PTPRD: variants seen among roughly 807,000 people sequenced by gnomAD.
PTPRD encodes the protein receptor-type tyrosine-protein phosphatase delta.
A neutral mutation model predicts 214.5 loss-of-function variants in PTPRD; 34 were observed. That is an observed-to-expected ratio of 0.16 (90% CI 0.12 to 0.21). The LOEUF is 0.21. Ranked by LOEUF, PTPRD falls within the 10% of genes least tolerant of loss-of-function variation. The probability of loss-of-function intolerance (pLI) is 1.00; values close to 1 mark genes in which losing one functional copy is unlikely to be tolerated. For missense variants in PTPRD, 2,545 were observed against 2,398.7 expected, an observed-to-expected ratio of 1.06 and a Z score of -1.27; for synonymous variants, 1,128 against 845.7, an observed-to-expected ratio of 1.33 and a Z score of -5.79.
At position 9,466,568 on chromosome 9, in the gene PTPRD, G is replaced by A. The variant is rs186724422; in HGVS notation, c.-236-69086C>T. Reference sequence around the variant, plus strand: ...GGGAGTGTATTCAAAACACAAATCTGTGTTTCATACTTACTTTTCACATGA... The same window carrying A: ...GGGAGTGTATTCAAAACACAAATCTATGTTTCATACTTACTTTTCACATGA... On this transcript the variant is annotated intron_variant, in intron 8 of 45. Transcript: ENST00000381196. Among the ~76,000 whole-genome samples, 529 of 152,232 alleles carry A rather than the reference G, an allele frequency of 3.5e-3. 5 individuals carry two copies. Among genetic ancestry groups the A allele is most frequent in the African/African-American group, 0.012 (484 of 41,536 alleles).
intron 11 of PTPRD, among the ~76,000 whole-genome samples, chr9:8,831,010 A>T (rs575786712): frequency 6.6e-6 from 1 of 152,276 alleles, no homozygotes; most frequent in East Asian, 1.9e-4. Flanking sequence ...TTTCTGAGGA[A>T]TTTTGATGAT....
chr9:9,370,753 A>T (rs2059250406), intron 9 of PTPRD, among the ~76,000 whole-genome samples: 1 of 152,100 alleles, frequency 6.6e-6, no homozygotes. Flanking sequence ...TGGGTTTGTC[A>T]TAGATAGCTC....
chr9:10,271,746 T>C (rs2094437631), intron 3 of PTPRD, among the ~76,000 whole-genome samples: 1 of 151,994 alleles, frequency 6.6e-6, no homozygotes, highest in African/African-American at 2.4e-5. Context: ...TTTCACCATG[T>C]TGGCCAGGCT....
intron 9 of PTPRD, among the ~76,000 whole-genome samples, chr9:9,304,199 C>T (rs1280090820): frequency 6.6e-6 from 1 of 152,004 alleles, no homozygotes; most frequent in East Asian, 1.9e-4. Flanking sequence ...TAAATTAGAT[C>T]ATAATTGGTG....
rs1337104309 is a variant in PTPRD at position 9,947,454 on chromosome 9, T to A, written c.-471-8844A>T. Among the ~76,000 whole-genome samples the A allele has an allele frequency of 1.5e-3, 45 of 30,228 alleles. 1 individual carries two copies. In the East Asian group the frequency reaches 0.022, roughly 15 times the overall value. 19.8% of individuals were successfully genotyped at this position (30,228 alleles called of 152,430 possible). On this transcript the variant is annotated intron_variant, in intron 4 of 45. Coordinates refer to ENST00000381196, the MANE Select transcript of PTPRD (RefSeq NM_002839.4). ...ATATATATTATATATTTTATATATT[T>A]TTATATATACTATATATTATATATA...
At chr9:9,171,867 G>A (rs944150925) in intron 10 of PTPRD, among the ~76,000 whole-genome samples, 3 of 151,988 alleles carry the variant, frequency 2.0e-5, no homozygotes, top group Non-Finnish European at 4.4e-5. Context: ...CTGTCTCAAT[G>A]ATCTGCAGCA....
intron 8 of PTPRD, among the ~76,000 whole-genome samples, chr9:9,426,560 G>A (rs2081010297): frequency 6.6e-6 from 1 of 152,132 alleles, no homozygotes; most frequent in Non-Finnish European, 1.5e-5. Flanking sequence ...AGAGTGTAGT[G>A]GATCTCCCAG....
intron 11 of PTPRD, among the ~76,000 whole-genome samples, chr9:8,976,364 G>C (rs926370319): frequency 2.6e-5 from 4 of 151,998 alleles, no homozygotes; most frequent in African/African-American, 4.8e-5. Context: ...TTCCAAATAT[G>C]ACTTGGTAAC....
At chr9:8,906,334 A>T (rs2098707584) in intron 11 of PTPRD, among the ~76,000 whole-genome samples, 1 of 152,174 alleles carries the variant, frequency 6.6e-6, no homozygotes, top group Non-Finnish European at 1.5e-5. Context: ...TTTTACAATT[A>T]GTTTGAGTGA....
At chr9:9,948,204 T>C (rs958880756) in intron 4 of PTPRD, among the ~76,000 whole-genome samples, 4 of 152,090 alleles carry the variant, frequency 2.6e-5, no homozygotes, top group African/African-American at 7.2e-5. Flanking sequence ...CATGAGGCTA[T>C]CCTCCTAAAG....
intron 3 of PTPRD, among the ~76,000 whole-genome samples, chr9:10,171,773 G>A (rs937098427): frequency 1.3e-5 from 2 of 151,992 alleles, no homozygotes; most frequent in African/African-American, 2.4e-5. Context: ...TCCACCCGCC[G>A]TGGCCTCCCA....
At chr9:9,043,193 G>C (rs1387101291) in intron 10 of PTPRD, among the ~76,000 whole-genome samples, 2 of 152,124 alleles carry the variant, frequency 1.3e-5, no homozygotes, top group Admixed American at 1.3e-4. Flanking sequence ...CCTAGCAGAG[G>C]AAAGCTCTGG....
chr9:9,241,535 C>T (rs2099970340), intron 9 of PTPRD, among the ~76,000 whole-genome samples: 1 of 152,082 alleles, frequency 6.6e-6, no homozygotes, highest in African/African-American at 2.4e-5. Context: ...CTTGGAGAAA[C>T]TGGTCTCATA....
intron 2 of PTPRD, among the ~76,000 whole-genome samples, chr9:10,509,090 A>G (rs929502190): frequency 6.6e-6 from 1 of 152,084 alleles, no homozygotes; most frequent in Non-Finnish European, 1.5e-5. Flanking sequence ...CTTTGTAATT[A>G]TAAAATATTT....
intron 5 of PTPRD, among the ~76,000 whole-genome samples, chr9:9,835,203 G>T (rs1458798156): frequency 6.6e-6 from 1 of 152,070 alleles, no homozygotes; most frequent in Non-Finnish European, 1.5e-5. Context: ...TATTTCTGCG[G>T]ATCCACTAAT....
intron 11 of PTPRD, among the ~76,000 whole-genome samples, chr9:8,917,381 ACCAC>A (rs2098794730): frequency 6.7e-6 from 1 of 149,518 alleles, no homozygotes; most frequent in Admixed American, 6.7e-5. Flanking sequence ...CTGGTGATCC[ACCAC>A]CTCGGCCTCC....
chr9:10,419,192 C>T (rs371300368), intron 2 of PTPRD, among the ~76,000 whole-genome samples: 57 of 151,986 alleles, frequency 3.8e-4, no homozygotes, highest in African/African-American at 1.3e-3. Flanking sequence ...TGCAAAATCC[C>T]GTAAATGATT....
chr9:10,584,928 C>T lies in PTPRD; in HGVS notation c.-600+27470G>A, dbSNP rs192147266. The stretch of plus-strand genomic sequence containing the variant: ...GTTAGATGCACCTTTAAACCATCAC[C>T]CAAACTACTCTCAGGCCAAAAATTG... On this transcript the variant is annotated intron_variant, in intron 2 of 45. Coordinates refer to ENST00000381196, the MANE Select transcript of PTPRD (RefSeq NM_002839.4). Among the ~76,000 whole-genome samples the T allele has an allele frequency of 2.5e-3, 375 of 152,198 alleles. 3 individuals carry two copies. The highest frequency in any genetic ancestry group is 8.8e-3 in the African/African-American group (367 of 41,534).
At chr9:10,143,719 G>A (rs561182806) in intron 3 of PTPRD, among the ~76,000 whole-genome samples, 1 of 152,168 alleles carries the variant, frequency 6.6e-6, no homozygotes, top group African/African-American at 2.4e-5. Flanking sequence ...GGGACACTAT[G>A]CAGCCATAAA....
Sources: gnomAD v4.1 joint callset for allele counts (sites outside exome capture counted in the v4.1 genomes callset) on GRCh38, gnomAD v4.1.1 for gene constraint, MANE v1.5 for transcripts, NCBI Gene and HGNC (gene_info 2026-07-23, HGNC 2026-07-21) for gene names.